CASK: variants seen among roughly 807,000 people sequenced by gnomAD.
The protein encoded by CASK is peripheral plasma membrane protein CASK.
A neutral mutation model predicts 82.9 loss-of-function variants in CASK; 4 were observed. That is an observed-to-expected ratio of 0.05 (90% CI 0.02 to 0.11). The LOEUF (loss-of-function observed/expected upper bound fraction) is 0.11, where lower values mean the gene tolerates loss of function less well. Among genes scored for constraint, CASK ranks in the 10% least tolerant of loss-of-function variants. The pLI is 1.00. For synonymous variants in CASK, 259 were observed against 253.5 expected, an observed-to-expected ratio of 1.02 and a Z score of -0.20; for missense variants, 358 against 720.9, an observed-to-expected ratio of 0.50 and a Z score of 5.76.
chrX:41,705,259 A>T (rs754972899), intron 5 of CASK, among the ~76,000 whole-genome samples: 3 of 112,757 alleles, frequency 2.7e-5, no homozygotes, highest in Admixed American at 9.3e-5. Context: ...GCAGGATGCC[A>T]TTAGAAGAAA....
At chrX:41,838,270 C>G (rs909999022) in intron 2 of CASK, among the ~76,000 whole-genome samples, 1 of 112,351 alleles carries the variant, frequency 8.9e-6, no homozygotes. Context: ...TGTTTAGAAC[C>G]TGTATAACCC....
At chrX:41,696,409 G>T in intron 5 of CASK, 1 of 1,181,322 alleles carries the variant, frequency 8.5e-7, no homozygotes, top group South Asian at 1.9e-5. Context: ...CCTAATTCTG[G>T]TAAATATGCC....
intron 11 of CASK, 136 bp from the exon 12 acceptor site, chrX:41,610,161 AGACTTAAATGAGTTTCAT>A (rs1168798212): frequency 1.7e-6 from 1 of 595,904 alleles, no homozygotes; most frequent in African/African-American, 2.3e-5. Flanking sequence ...ACTGAAGGAT[AGACTTAAATGAGTTTCAT>A]ATAATTTAAG....
chrX:41,783,548 CAA>C (rs1181405339), intron 3 of CASK, among the ~76,000 whole-genome samples: 7 of 51,045 alleles, frequency 1.4e-4, no homozygotes, highest in Non-Finnish European at 1.2e-4. Context: ...GACTCTGTCT[CAA>C]AAAAAAAAAA....
chrX:41,799,642 T>C (rs2069948500), intron 2 of CASK, among the ~76,000 whole-genome samples: 1 of 107,958 alleles, frequency 9.3e-6, no homozygotes, highest in Admixed American at 1.0e-4. Flanking sequence ...GAGACATATA[T>C]TTAGCTGGTC....
chrX:41,669,751 A>ACACAAAAAAGTGATAGCCCAATG (rs2067170011), intron 6 of CASK, among the ~76,000 whole-genome samples: 1 of 111,934 alleles, frequency 8.9e-6, no homozygotes, highest in African/African-American at 3.2e-5. Flanking sequence ...AAGGCCCAGA[A>ACACAAAAAAGTGATAGCCCAATG]CACAAAAAAG....
intron 12 of CASK, among the ~76,000 whole-genome samples, chrX:41,603,624 AT>A (rs1388230757): frequency 8.9e-6 from 1 of 112,440 alleles, no homozygotes; most frequent in African/African-American, 3.2e-5. Context: ...AATTTTAAAA[AT>A]TCATCAATAA....
At chrX:41,645,398 G>A (rs2066739793) in intron 8 of CASK, among the ~76,000 whole-genome samples, 1 of 111,475 alleles carries the variant, frequency 9.0e-6, no homozygotes, top group Non-Finnish European at 1.9e-5. Context: ...CTAGGAACCT[G>A]GCACAATTAT....
At chrX:41,538,818 A>G (rs1344991123) in intron 22 of CASK, among the ~76,000 whole-genome samples, 1 of 112,016 alleles carries the variant, frequency 8.9e-6, no homozygotes, top group African/African-American at 3.2e-5. Flanking sequence ...TCAAAAGAGC[A>G]TTGCACACTG....
chrX:41,761,123 G>A (rs1307586936), intron 3 of CASK, among the ~76,000 whole-genome samples: 1 of 112,088 alleles, frequency 8.9e-6, no homozygotes, highest in Non-Finnish European at 1.9e-5. Context: ...AGAGGCAGGT[G>A]TATCAGTGCA....
intron 10 of CASK, among the ~76,000 whole-genome samples, chrX:41,625,942 C>CTTTTT (rs748063155): frequency 5.0e-5 from 2 of 40,365 alleles, no homozygotes; most frequent in Admixed American, 3.0e-4. Context: ...GCACGCCTGG[C>CTTTTT]TTTTTTTTTT....
chrX:41,921,224 G>A (rs951971804), intron 1 of CASK, among the ~76,000 whole-genome samples: 9 of 112,084 alleles, frequency 8.0e-5, no homozygotes, highest in African/African-American at 2.9e-4. Context: ...ATATACTTTT[G>A]CAAACGCAAA....
At chrX:41,698,476 C>A (rs1291320890) in intron 5 of CASK, among the ~76,000 whole-genome samples, 1 of 111,267 alleles carries the variant, frequency 9.0e-6, no homozygotes, top group Non-Finnish European at 1.9e-5. Context: ...GATCAATACA[C>A]ATTTATTGAA....
At chrX:41,567,012 T>C (rs924741976) in intron 16 of CASK, among the ~76,000 whole-genome samples, 2 of 112,231 alleles carry the variant, frequency 1.8e-5, no homozygotes, top group Admixed American at 9.4e-5. Context: ...TAATAAATGG[T>C]GCTGGGAAAA....
intron 2 of CASK, among the ~76,000 whole-genome samples, chrX:41,811,193 G>C (rs2070276969): frequency 9.0e-6 from 1 of 111,390 alleles, no homozygotes. Flanking sequence ...AGTTAACAAG[G>C]ATATCCAGGA....
chrX:41,545,835 C>G (rs763295023), intron 21 of CASK, among the ~76,000 whole-genome samples: 1 of 109,792 alleles, frequency 9.1e-6, no homozygotes, highest in South Asian at 4.1e-4. Flanking sequence ...CCCCCCACCC[C>G]CGCCGAGACG....
chrX:41,687,736 A>G (rs940579806), intron 5 of CASK, among the ~76,000 whole-genome samples: 1 of 110,632 alleles, frequency 9.0e-6, no homozygotes, highest in Non-Finnish European at 1.9e-5. Context: ...AGGTGGGTGG[A>G]CCACCTGAGG....
intron 12 of CASK, among the ~76,000 whole-genome samples, chrX:41,605,949 G>C (rs1209377701): frequency 8.9e-6 from 1 of 111,829 alleles, no homozygotes; most frequent in East Asian, 2.8e-4. Flanking sequence ...AAAGTGCTGA[G>C]ATTATAGAAG....
In CASK at chrX:41,555,583, AGAGGAT is replaced by A; in HGVS notation, c.1842+11_1842+16del. On this transcript the variant is annotated intron_variant, in intron 20 of 26. Transcript: ENST00000378163. ...CTGCTCAGTTTAGAGAAGTTTCTAT[AGAGGAT>A]ATCTATTCACCTGTCGTCCTTTTGG... The A allele has an allele frequency of 3.4e-6, 4 of 1,176,214 alleles. No homozygotes were observed. The highest frequency in any genetic ancestry group is 4.6e-6 in the Non-Finnish European group (4 of 863,074).
Sources: allele counts gnomAD v4.1 joint callset (sites outside exome capture counted in the v4.1 genomes callset), GRCh38; gene constraint gnomAD v4.1.1; transcripts MANE v1.5; gene names NCBI Gene and HGNC (gene_info 2026-07-23, HGNC 2026-07-21).